CAB39: variants seen among roughly 807,000 people sequenced by gnomAD.
CAB39 encodes the protein calcium binding protein 39, also known as calcium-binding protein 39.
In CAB39, 8 loss-of-function variants were observed where a neutral mutation model predicts 40.0. The ratio of observed to expected loss-of-function variants is 0.20; its 90% CI spans 0.12 to 0.36. The LOEUF is 0.36. Among genes scored for constraint, CAB39 ranks in the 10% least tolerant of loss-of-function variants. The pLI is 1.00. For synonymous variants in CAB39, 156 were observed against 141.6 expected, an observed-to-expected ratio of 1.10 and a Z score of -0.72; for missense variants, 270 against 401.1, an observed-to-expected ratio of 0.67 and a Z score of 2.79.
intron 5 of CAB39, chr2:230,799,242 CCA>C (rs1696042450): frequency 5.4e-6 from 1 of 184,388 alleles, no homozygotes; most frequent in African/African-American, 2.3e-5. Context: ...TGGTTAAGCA[CCA>C]GATGAAGTAG....
chr2:230,726,944 C>A (rs534625444), intron 1 of CAB39, among the ~76,000 whole-genome samples: 1 of 150,156 alleles, frequency 6.7e-6, no homozygotes, highest in Non-Finnish European at 1.5e-5. Context: ...TGCTGATGCC[C>A]TTTGGTGTTT....
intron 1 of CAB39, among the ~76,000 whole-genome samples, chr2:230,733,807 A>C (rs545562764): frequency 2.2e-3 from 340 of 152,306 alleles, no homozygotes; most frequent in Non-Finnish European, 3.5e-3. Flanking sequence ...AAATACCAGG[A>C]GTTTCACAAG....
intron 7 of CAB39, 95 bp downstream of exon 7, chr2:230,814,209 C>A: frequency 1.6e-6 from 1 of 623,240 alleles, no homozygotes; most frequent in Non-Finnish European, 2.8e-6. Flanking sequence ...GGTCATAGAC[C>A]TTTGGGGGAA....
chr2:230,810,121 G>T (rs1048593698), intron 5 of CAB39, 142 bp from the exon 6 acceptor site: 1 of 530,284 alleles, frequency 1.9e-6, no homozygotes, highest in African/African-American at 2.0e-5. Context: ...TAGAATCAGT[G>T]TTTTAATACA....
At chr2:230,737,445 A>G (rs1028447111) in intron 1 of CAB39, among the ~76,000 whole-genome samples, 3 of 152,146 alleles carry the variant, frequency 2.0e-5, no homozygotes, top group Non-Finnish European at 2.9e-5. Flanking sequence ...TCAAGCCACT[A>G]TGAGTCTGAG....
chr2:230,749,996 A>C (rs565450782), intron 1 of CAB39, among the ~76,000 whole-genome samples: 3 of 152,340 alleles, frequency 2.0e-5, no homozygotes, highest in African/African-American at 7.2e-5. Flanking sequence ...AAACTAGCCA[A>C]TAATTTTGAG....
At position 230,810,287 on chromosome 2, in the gene CAB39, C is replaced by T. The variant is rs1345110501; in HGVS notation, c.592C>T (p.Leu198Phe). ...FKDLLTRHKL[L>F]SAEFLEQHYD... ...GGATTTACTTACAAGACATAAATTGCTCAGTGCAGAATTTTTGGAACAGCA... is the reference window on the plus strand; with the variant it reads ...GGATTTACTTACAAGACATAAATTGTTCAGTGCAGAATTTTTGGAACAGCA... The change falls in exon 6 of 9, where the codon CTC becomes TTC. Residue 198 changes from leucine to phenylalanine, a missense_variant. By Grantham distance (22) the Leu-to-Phe change is conservative. Transcript: ENST00000258418. 6.9e-7 allele frequency: 1 copy of T among 1,445,552 alleles called. No individual in the cohort carries two copies. The highest frequency in any genetic ancestry group is 1.3e-5 in the South Asian group (1 of 77,616). 89.5% of individuals were successfully genotyped at this position (1,445,552 alleles called of 1,614,324 possible).
chr2:230,744,902 A>C (rs1694946183), intron 1 of CAB39, among the ~76,000 whole-genome samples: 1 of 152,250 alleles, frequency 6.6e-6, no homozygotes, highest in Non-Finnish European at 1.5e-5. Flanking sequence ...TTCTCTAAAA[A>C]ATCAGCTACT....
At chr2:230,748,775 C>T (rs1695019743) in intron 1 of CAB39, among the ~76,000 whole-genome samples, 1 of 137,924 alleles carries the variant, frequency 7.3e-6, no homozygotes, top group Non-Finnish European at 1.5e-5. Context: ...CCACTGCACT[C>T]CAGCCTGGGC....
chr2:230,724,404 G>A (rs993428409), intron 1 of CAB39, among the ~76,000 whole-genome samples: 4 of 151,350 alleles, frequency 2.6e-5, no homozygotes, highest in African/African-American at 9.7e-5. Flanking sequence ...TCTATGGGCC[G>A]GGCACGGTGG....
At chr2:230,751,805 CAAATACAAAGCAAGTAATAA>C (rs1039530563) in intron 1 of CAB39, among the ~76,000 whole-genome samples, 9 of 152,152 alleles carry the variant, frequency 5.9e-5, no homozygotes, top group African/African-American at 2.2e-4. Context: ...AAACCCCCCA[CAAATACAAAGCAAGTAATAA>C]AAAGGAGAAT....
intron 1 of CAB39, among the ~76,000 whole-genome samples, chr2:230,741,019 A>G (rs2124889413): frequency 6.6e-6 from 1 of 152,334 alleles, no homozygotes; most frequent in South Asian, 2.1e-4. Context: ...CATGGGGAGT[A>G]TGGGATCCAG....
chr2:230,815,173 G>C (rs1434319745), intron 7 of CAB39, among the ~76,000 whole-genome samples: 1 of 152,240 alleles, frequency 6.6e-6, no homozygotes, highest in African/African-American at 2.4e-5. Context: ...TTTCAGAACA[G>C]CATATGCCTT....
At chr2:230,725,477 C>T in intron 1 of CAB39, 1 of 1,269,860 alleles carries the variant, frequency 7.9e-7, no homozygotes, top group Admixed American at 1.9e-5. Context: ...CTGCGGATAC[C>T]TCCCGTTTAA....
intron 2 of CAB39, among the ~76,000 whole-genome samples, chr2:230,771,330 G>GA (rs751836642): frequency 9.2e-5 from 14 of 151,878 alleles, no homozygotes; most frequent in Admixed American, 9.2e-4. Context: ...AAAAGAAAAA[G>GA]AAAAAAACTA....
intron 3 of CAB39, among the ~76,000 whole-genome samples, chr2:230,792,864 A>G (rs572085992): frequency 3.3e-5 from 5 of 152,298 alleles, no homozygotes; most frequent in African/African-American, 9.6e-5. Flanking sequence ...TGCTTGTTCC[A>G]TTTGGGTGGA....
At chr2:230,762,812 T>A (rs1335581237) in intron 2 of CAB39, among the ~76,000 whole-genome samples, 1 of 152,216 alleles carries the variant, frequency 6.6e-6, no homozygotes, top group African/African-American at 2.4e-5. Context: ...CTCTGCTCTT[T>A]CGTAGCTTCC....
chr2:230,757,850 A>G (rs1282006017), intron 1 of CAB39, among the ~76,000 whole-genome samples: 1 of 152,134 alleles, frequency 6.6e-6, no homozygotes, highest in Admixed American at 6.5e-5. Context: ...CCAAAGGAAA[A>G]AGTAATGATC....
chr2:230,752,041 CCCA>C (rs1695097319), intron 1 of CAB39: 2 of 99,620 alleles, frequency 2.0e-5, no homozygotes, highest in African/African-American at 7.4e-5. Flanking sequence ...CCCCCCCCCC[CCCA>C]CATACACACC....
Sources: allele counts gnomAD v4.1 joint callset (sites outside exome capture counted in the v4.1 genomes callset), GRCh38; gene constraint gnomAD v4.1.1; transcripts MANE v1.5; gene names NCBI Gene and HGNC (gene_info 2026-07-23, HGNC 2026-07-21).